ASCC3: variants seen among roughly 807,000 people sequenced by gnomAD.
ASCC3 encodes ASC-1 complex subunit P200.
Under a neutral mutation model 256.3 loss-of-function variants are expected in ASCC3, and 158 were observed. The observed-to-expected ratio is 0.62, with a 90% confidence interval of 0.54 to 0.70. The LOEUF is 0.70. Ranked by LOEUF, ASCC3 falls within the 30% of genes least tolerant of loss-of-function variation. The pLI is 0.00. For synonymous variants in ASCC3, 948 were observed against 883.4 expected, an observed-to-expected ratio of 1.07 and a Z score of -1.30; for missense variants, 2,259 against 2,626.0, an observed-to-expected ratio of 0.86 and a Z score of 3.05.
intron 11 of ASCC3, 53 bp downstream of exon 11, chr6:100,725,486 T>A: frequency 1.9e-6 from 3 of 1,573,146 alleles, no homozygotes; most frequent in Non-Finnish European, 2.6e-6. Context: ...ACATTTTAAG[T>A]TGAAAAACAT....
chr6:100,539,334 C>T (rs1213762718), intron 37 of ASCC3, among the ~76,000 whole-genome samples: 1 of 152,142 alleles, frequency 6.6e-6, no homozygotes, highest in African/African-American at 2.4e-5. Context: ...AAATACTCTT[C>T]TCTTTTTAAA....
At chr6:100,555,124 A>AG in intron 36 of ASCC3, among the ~76,000 whole-genome samples, 1 of 147,862 alleles carries the variant, frequency 6.8e-6, no homozygotes, top group Admixed American at 6.7e-5. Flanking sequence ...GGTTGAAAAA[A>AG]GTAAAAAAAA....
intron 8 of ASCC3, among the ~76,000 whole-genome samples, chr6:100,774,553 G>C (rs1428052450): frequency 1.3e-5 from 2 of 152,022 alleles, no homozygotes; most frequent in Admixed American, 1.3e-4. Context: ...TTTTAGTAGA[G>C]ACAGGGTTTC....
chr6:100,531,451 A>G (rs1175568664), intron 37 of ASCC3, among the ~76,000 whole-genome samples: 2 of 152,310 alleles, frequency 1.3e-5, no homozygotes, highest in East Asian at 3.9e-4. Context: ...AAAGCCATTT[A>G]TAAGAACTTC....
rs118122054 is a variant in ASCC3, at chr6:100,742,769, C to T, written c.1738-17066G>A. ...ACCAAACTGCAGAGAAGGCAGCCCC[C>T]ATCCTCCTCACCCTAGAAACTCCAT... On this transcript the variant is annotated intron_variant, in intron 10 of 41. Transcript: ENST00000369162. Among the ~76,000 whole-genome samples, 166 of 152,346 alleles carry T rather than the reference C, an allele frequency of 1.1e-3. 1 individual carries two copies. In the East Asian group the frequency reaches 0.03, roughly 27 times the overall value.
At chr6:100,638,048 C>A (rs953030746) in intron 25 of ASCC3, among the ~76,000 whole-genome samples, 13 of 152,018 alleles carry the variant, frequency 8.6e-5, no homozygotes, top group Non-Finnish European at 5.9e-5. Flanking sequence ...TGCTATCAGG[C>A]GGCATCACAT....
chr6:100,739,873 T>A (rs1051658964), intron 10 of ASCC3, among the ~76,000 whole-genome samples: 10 of 152,018 alleles, frequency 6.6e-5, no homozygotes, highest in African/African-American at 9.7e-5. Context: ...TTAATTTTTT[T>A]AAAAAAACAG....
At chr6:100,518,231 C>G in intron 37 of ASCC3, 89 bp from the exon 38 acceptor site, 1 of 1,390,784 alleles carries the variant, frequency 7.2e-7, no homozygotes, top group South Asian at 1.2e-5. Flanking sequence ...TAACAAAAAA[C>G]AAAGAAACCA....
At chr6:100,727,170 G>A (rs1779671059) in intron 10 of ASCC3, among the ~76,000 whole-genome samples, 1 of 151,980 alleles carries the variant, frequency 6.6e-6, no homozygotes, top group Non-Finnish European at 1.5e-5. Flanking sequence ...CCTAGGTAAA[G>A]TGTATTCCTC....
rs766153526 is a variant in ASCC3, at chr6:100,647,233, A to G, written c.3471T>C (p.Asp1157=). 2.5e-6 allele frequency: 4 copies of G among 1,607,526 alleles called. No homozygotes were observed. Among genetic ancestry groups the G allele is most frequent in the South Asian group, 2.2e-5 (2 of 90,940 alleles). The change falls in exon 21 of 42, where the codon GAT becomes GAC. Residue 1157 remains aspartate (D), a synonymous_variant. Transcript: ENST00000369162. ...TATTTGCTTCCTTCTTACCTATTTC[A>G]TCTTTCCTCATGTCTTTCAGCTTAT... The part of the protein sequence containing the change: ...TVDKLKDMRK[D]EIGHILHHVN...
chr6:100,784,404 A>G (rs986869252), intron 8 of ASCC3, among the ~76,000 whole-genome samples: 6 of 152,156 alleles, frequency 3.9e-5, no homozygotes, highest in Non-Finnish European at 8.8e-5. Flanking sequence ...TCCAAGCGAA[A>G]TAACTGAATA....
chr6:100,746,593 A>T (rs1780692255), intron 10 of ASCC3, among the ~76,000 whole-genome samples: 1 of 152,172 alleles, frequency 6.6e-6, no homozygotes, highest in Non-Finnish European at 1.5e-5. Flanking sequence ...AATAACAGCT[A>T]GAAGCCTCAC....
rs1374991368 is a variant in ASCC3 at position 100,581,061 on chromosome 6, T to C, written c.5550+8573A>G. Reference sequence around the variant, plus strand: ...AAACATACGTGTGCATGTGTCTTTATAGCAGCATGATTTATAGTCCTTTGG... The same window carrying C: ...AAACATACGTGTGCATGTGTCTTTACAGCAGCATGATTTATAGTCCTTTGG... On this transcript the variant is annotated intron_variant, in intron 36 of 41. Coordinates refer to ENST00000369162, the MANE Select transcript of ASCC3 (RefSeq NM_006828.4). Among the ~76,000 whole-genome samples the C allele has an allele frequency of 3.3e-5, 5 of 152,228 alleles. No homozygotes were observed. The East Asian group carries it at 7.7e-4, about 24-fold the overall frequency.
chr6:100,663,153 G>A (rs1776307602), intron 14 of ASCC3, among the ~76,000 whole-genome samples: 2 of 151,998 alleles, frequency 1.3e-5, no homozygotes, highest in Non-Finnish European at 2.9e-5. Flanking sequence ...ACCTACAGCT[G>A]TGTTCTTGGT....
chr6:100,738,140 T>G (rs893212677), intron 10 of ASCC3, among the ~76,000 whole-genome samples: 6 of 152,228 alleles, frequency 3.9e-5, no homozygotes, highest in African/African-American at 1.4e-4. Flanking sequence ...ATGGATAGAT[T>G]GAGAAAGTTT....
chr6:100,644,204 TAGA>T, intron 22 of ASCC3, 75 bp from the exon 23 acceptor site: 1 of 967,634 alleles, frequency 1.0e-6, no homozygotes. Context: ...CTTCTCACTC[TAGA>T]AGCTTTATTG....
At chr6:100,655,578 G>T in intron 17 of ASCC3, 121 bp downstream of exon 17, 1 of 1,148,370 alleles carries the variant, frequency 8.7e-7, no homozygotes. Flanking sequence ...TAAATCTCTT[G>T]TTTTTCTTCT....
chr6:100,510,077 G>C lies in ASCC3; in HGVS notation c.6316C>G (p.Arg2106Gly). Residue 2106 changes from arginine (R) to glycine (G), a missense_variant, in exon 41 of 42, where the codon CGA (arginine) becomes GGA (glycine). Arg to Gly is a moderately radical substitution (Grantham distance 125, BLOSUM62 -2). This residue lies in a region of ASCC3 where 1,839 missense variants were observed against 2,206.7 expected (regional missense o/e 0.83). Transcript: ENST00000369162. Reference protein sequence around the residue: ...GKPESCAVTPRFPKSKDEGWF... With the variant: ...GKPESCAVTPGFPKSKDEGWF... ...CCTTCGTCTTTTGATTTGGGAAATCGAGGAGTAACTGCACAGCTCTCTGGC... is the reference window on the plus strand; with the variant it reads ...CCTTCGTCTTTTGATTTGGGAAATCCAGGAGTAACTGCACAGCTCTCTGGC... 6.2e-7 allele frequency: 1 copy of C among 1,614,032 alleles called. No individual in the cohort carries two copies. The highest frequency in any genetic ancestry group is 8.5e-7 in the Non-Finnish European group (1 of 1,180,002).
At chr6:100,767,390 A>C in intron 8 of ASCC3, 45 bp from the exon 9 acceptor site, 1 of 1,548,294 alleles carries the variant, frequency 6.5e-7, no homozygotes, top group Non-Finnish European at 8.9e-7. Flanking sequence ...AACAATGTGA[A>C]GGACCCATAC....
Sources: allele counts gnomAD v4.1 joint callset (sites outside exome capture counted in the v4.1 genomes callset), GRCh38; gene constraint gnomAD v4.1.1; regional missense constraint gnomAD v4.1.1; transcripts MANE v1.5; gene names NCBI Gene and HGNC (gene_info 2026-07-23, HGNC 2026-07-21).